The following ZBTB7C variants were observed in gnomAD, a reference collection of about 807,000 sequenced individuals.
The protein encoded by ZBTB7C is zinc finger and BTB domain containing 7C, also known as zinc finger and BTB domain-containing protein 7C.
In ZBTB7C, 8 loss-of-function variants were observed where a neutral mutation model predicts 25.7. That is an observed-to-expected ratio of 0.31 (90% CI 0.18 to 0.56). The LOEUF (loss-of-function observed/expected upper bound fraction) is 0.56. Among genes scored for constraint, ZBTB7C ranks in the 20% least tolerant of loss-of-function variants. The pLI is 0.91. For missense variants in ZBTB7C, 824 were observed against 855.2 expected, an observed-to-expected ratio of 0.96 and a Z score of 0.46; for synonymous variants, 394 against 369.0, an observed-to-expected ratio of 1.07 and a Z score of -0.78.
chr18:48,230,193 C>T (rs1377911693), intron 2 of ZBTB7C, among the ~76,000 whole-genome samples: 2 of 152,344 alleles, frequency 1.3e-5, no homozygotes, highest in East Asian at 1.9e-4. Flanking sequence ...TCAAACAACA[C>T]TCCCCTGAAG....
chr18:48,312,626 T>G (rs1355367679), intron 2 of ZBTB7C, among the ~76,000 whole-genome samples: 1 of 152,126 alleles, frequency 6.6e-6, no homozygotes, highest in African/African-American at 2.4e-5. Flanking sequence ...AGAACAGAGA[T>G]AATAATAGTA....
At chr18:48,291,598 T>C (rs766409691) in intron 2 of ZBTB7C, among the ~76,000 whole-genome samples, 1 of 152,124 alleles carries the variant, frequency 6.6e-6, no homozygotes, top group Non-Finnish European at 1.5e-5. Context: ...CATCTTAGTG[T>C]TGATGTGGCA....
intron 2 of ZBTB7C, among the ~76,000 whole-genome samples, chr18:48,268,035 G>C (rs2044363628): frequency 6.6e-6 from 1 of 152,132 alleles, no homozygotes; most frequent in Non-Finnish European, 1.5e-5. Flanking sequence ...ACTCTCCATA[G>C]GCCAACATTC....
intron 2 of ZBTB7C, among the ~76,000 whole-genome samples, chr18:48,191,811 T>G (rs2042205318): frequency 6.6e-6 from 1 of 152,220 alleles, no homozygotes; most frequent in Non-Finnish European, 1.5e-5. Context: ...GAGGCTATGT[T>G]TGCTTTATCT....
intron 1 of ZBTB7C, among the ~76,000 whole-genome samples, chr18:48,392,569 T>G (rs1020715574): frequency 8.5e-5 from 13 of 152,212 alleles, no homozygotes; most frequent in African/African-American, 3.1e-4. Context: ...TGCTAAGTGG[T>G]AAGAACTGCC....
chr18:48,061,652 T>C (rs1040417091), intron 3 of ZBTB7C, among the ~76,000 whole-genome samples: 4 of 152,184 alleles, frequency 2.6e-5, no homozygotes, highest in Admixed American at 2.0e-4. Context: ...TCACCCAGGG[T>C]TGGGGTACAG....
chr18:48,279,226 C>A (rs886468249), intron 2 of ZBTB7C, among the ~76,000 whole-genome samples: 1 of 152,134 alleles, frequency 6.6e-6, no homozygotes, highest in African/African-American at 2.4e-5. Flanking sequence ...ACCATTAAAA[C>A]GGAATGCCCT....
At chr18:48,376,901 G>A (rs935687458) in intron 1 of ZBTB7C, among the ~76,000 whole-genome samples, 4 of 152,232 alleles carry the variant, frequency 2.6e-5, no homozygotes, top group African/African-American at 7.2e-5. Flanking sequence ...GCACAGAAAC[G>A]CAAAGAGGGC....
chr18:48,206,566 G>A (rs763161532), intron 2 of ZBTB7C, among the ~76,000 whole-genome samples: 1 of 152,142 alleles, frequency 6.6e-6, no homozygotes, highest in Admixed American at 6.5e-5. Flanking sequence ...AGGCTGAAGT[G>A]GGAGGATCGC....
At chr18:48,377,094 A>C (rs1397579292) in intron 1 of ZBTB7C, among the ~76,000 whole-genome samples, 3 of 152,136 alleles carry the variant, frequency 2.0e-5, no homozygotes. Context: ...CTGGGCCCCC[A>C]CACCAGGCCT....
chr18:48,140,410 T>G (rs968841709), intron 3 of ZBTB7C, among the ~76,000 whole-genome samples: 2 of 152,212 alleles, frequency 1.3e-5, no homozygotes, highest in Non-Finnish European at 2.9e-5. Flanking sequence ...ATAAGGAAAC[T>G]GGAGCTCAGA....
At chr18:48,156,916 G>A (rs1396761041) in intron 3 of ZBTB7C, among the ~76,000 whole-genome samples, 1 of 152,042 alleles carries the variant, frequency 6.6e-6, no homozygotes, top group Non-Finnish European at 1.5e-5. Context: ...GGGTCTCTCT[G>A]GCTGCAGTTT....
chr18:48,358,054 AAAGT>A (rs1455029910), intron 1 of ZBTB7C, among the ~76,000 whole-genome samples: 1 of 152,150 alleles, frequency 6.6e-6, no homozygotes. Flanking sequence ...TGGTTGTTTA[AAAGT>A]GTGTGGTAGG....
At chr18:48,333,082 C>A (rs2144921492) in intron 2 of ZBTB7C, among the ~76,000 whole-genome samples, 1 of 151,928 alleles carries the variant, frequency 6.6e-6, no homozygotes, top group East Asian at 1.9e-4. Context: ...AATAAGAACC[C>A]CCAAATTAGA....
intron 3 of ZBTB7C, among the ~76,000 whole-genome samples, chr18:48,052,620 C>T (rs2036739340): frequency 6.6e-6 from 1 of 152,116 alleles, no homozygotes; most frequent in Non-Finnish European, 1.5e-5. Context: ...CAGAGAAAGG[C>T]CGGGAGCATG....
chr18:48,113,421 G>C (rs1325985329), intron 3 of ZBTB7C, among the ~76,000 whole-genome samples: 1 of 152,220 alleles, frequency 6.6e-6, no homozygotes, highest in African/African-American at 2.4e-5. Context: ...AGGATAATTG[G>C]AGTTAAATTG....
chr18:48,408,867 C>G (rs544099643), intron 1 of ZBTB7C, among the ~76,000 whole-genome samples: 1 of 151,650 alleles, frequency 6.6e-6, no homozygotes, highest in East Asian at 2.0e-4. Flanking sequence ...CGGTGCCAGC[C>G]AGGAGGCGCG....
intron 2 of ZBTB7C, among the ~76,000 whole-genome samples, chr18:48,332,916 A>C (rs1289113550): frequency 6.6e-6 from 1 of 151,766 alleles, no homozygotes; most frequent in Non-Finnish European, 1.5e-5. Context: ...TTAAAAACCA[A>C]ATTACACAAA....
intron 1 of ZBTB7C, among the ~76,000 whole-genome samples, chr18:48,382,380 A>G (rs2047652316): frequency 6.6e-6 from 1 of 152,248 alleles, no homozygotes; most frequent in Non-Finnish European, 1.5e-5. Context: ...CCAAGCCAAT[A>G]TCGCTAAACT....
Sources: allele counts gnomAD v4.1 joint callset (sites outside exome capture counted in the v4.1 genomes callset), GRCh38; gene constraint gnomAD v4.1.1; transcripts MANE v1.5; gene names NCBI Gene and HGNC (gene_info 2026-07-23, HGNC 2026-07-21).